Variants in MORC2 observed in about 807,000 individuals in gnomAD.
MORC2 encodes ATPase MORC2.
MORC2 carries 30 observed loss-of-function variants against 136.0 expected under a neutral mutation model. The ratio of observed to expected loss-of-function variants is 0.22; its 90% confidence interval spans 0.17 to 0.30. The LOEUF (loss-of-function observed/expected upper bound fraction) is 0.30, where lower values mean the gene tolerates loss of function less well. Among genes scored for constraint, MORC2 ranks in the 10% least tolerant of loss-of-function variants. The pLI, the probability that MORC2 is intolerant of heterozygous loss-of-function variation, is 1.00. For synonymous variants in MORC2, 439 were observed against 487.0 expected (o/e 0.90, Z 1.30); for missense variants, 922 against 1,333.1 (o/e 0.69, Z 4.80).
In MORC2 at chr22:30,931,323, G is replaced by A. The variant is rs149879702; in HGVS notation, c.2841+1036C>T. On this transcript the variant is annotated intron_variant, in intron 24 of 25. Transcript: ENST00000397641. The stretch of plus-strand genomic sequence containing the variant: ...TTACATACTGTCTGTGGTTGCTTTC[G>A]TGCTATAATGGCAGAGTTGCCACAG... 2.7e-3 allele frequency among the ~76,000 whole-genome samples: 410 copies of A among 152,278 alleles called. 4 individuals carry two copies. In the East Asian group the frequency reaches 0.037, roughly 14 times the overall value.
In MORC2 at chr22:30,935,103, T is replaced by C. The variant is rs761518693; in HGVS notation, c.1871A>G (p.Asn624Ser). 6.2e-7 allele frequency: 1 copy of C among 1,613,718 alleles called. No individual in the cohort carries two copies. Among genetic ancestry groups the C allele is most frequent in the Non-Finnish European group, 8.5e-7 (1 of 1,179,942 alleles). Residue 624 changes from asparagine to serine, a missense_variant, in exon 19 of 26, where the codon AAC (asparagine) becomes AGC (serine). Physicochemically the swap from Asn to Ser is conservative, Grantham distance 46. Transcript: ENST00000397641. ...RSPPLPAVIR[N>S]APSRPPSLPT... is the part of the protein sequence containing the mutation. ...CAAAGAAGGGGGTCTGCTGGGGGCGTTCCTGATCACAGCAGGTAAAGGGGG... is the reference window on the plus strand; with the variant it reads ...CAAAGAAGGGGGTCTGCTGGGGGCGCTCCTGATCACAGCAGGTAAAGGGGG...
chr22:30,934,257 A>G lies in MORC2; in HGVS notation c.2194-66T>C. The G allele has an allele frequency of 1.2e-6, 2 of 1,604,020 alleles. No individual in the cohort carries two copies. Among genetic ancestry groups the G allele is most frequent in the Non-Finnish European group, 1.7e-6 (2 of 1,174,486 alleles). On this transcript the variant is annotated intron_variant, in intron 19 of 25. Coordinates refer to ENST00000397641, the MANE Select transcript of MORC2 (RefSeq NM_001303256.3). The surrounding 1 kb of genome is among the most constrained non-coding windows in gnomAD (Gnocchi z 4.4). ...AGCCTCTAAGGAGCAGGAAGATTTC[A>G]TCTAGCCTAAAGGAGTCGTTCCAAG...
rs770837363 is a variant in MORC2 at position 30,946,425 on chromosome 22, A to G, written c.342T>C (p.Asp114=). The part of the protein sequence containing the change: ...LKSGSMRIGK[D]FILFTKKEDT... ...CTTCCTTCTTGGTGAACAGGATAAA[A>G]TCCTTCCCAATGCGCATTGAGCCCC... is the stretch of plus-strand genomic sequence containing the variant. Residue 114 remains aspartate, a synonymous_variant, in exon 6 of 26, where the codon GAT becomes GAC. Coordinates refer to ENST00000397641, the MANE Select transcript of MORC2 (RefSeq NM_001303256.3). 5.8e-5 allele frequency: 93 copies of G among 1,610,172 alleles called. No individual in the cohort carries two copies. The highest frequency in any genetic ancestry group is 5.8e-5 in the Non-Finnish European group (68 of 1,178,156).
chr22:30,939,032 G>T (rs1187822077), intron 12 of MORC2, among the ~76,000 whole-genome samples: 5 of 152,166 alleles, frequency 3.3e-5, no homozygotes, highest in African/African-American at 1.2e-4. Flanking sequence ...CCTGTGCCAA[G>T]GAGGCCAACA....
intron 2 of MORC2, 104 bp from the exon 3 acceptor site, chr22:30,956,901 A>C: frequency 2.2e-6 from 2 of 914,086 alleles, no homozygotes; most frequent in Non-Finnish European, 3.2e-6. Context: ...GTCTGTTTTC[A>C]GGAAGCCATA....
chr22:30,966,526 G>C (rs935769743), intron 1 of MORC2, among the ~76,000 whole-genome samples: 11 of 152,256 alleles, frequency 7.2e-5, no homozygotes, highest in African/African-American at 2.6e-4. Context: ...TGTAATCCCA[G>C]CACTTTGGGA....
chr22:30,950,348 C>CCCCCCCAA, intron 4 of MORC2, 29 bp downstream of exon 4: 1 of 1,043,136 alleles, frequency 9.6e-7, no homozygotes, highest in Non-Finnish European at 1.5e-6. Context: ...CACCCCCCCA[C>CCCCCCCAA]CCCCCAAAAC....
Position 30,968,120 on chromosome 22 carries a change from AGGAACT to A in MORC2, c.-237_-232del, listed in dbSNP as rs2041157275. The A allele has an allele frequency of 4.9e-5, 25 of 515,052 alleles. No individual in the cohort carries two copies. In the East Asian group the frequency reaches 8.8e-4, roughly 18 times the overall value. The allele number at this position is 515,052 out of a possible 1,614,324, so 31.9% of individuals were successfully genotyped here. A position where few individuals can be genotyped will look rare whatever the true frequency, so the allele number is the denominator to read the frequency against. ...ATGATTTATGATGTAATATTTTGGAAGGAACTATGTCATAAATCTGTAGCTTTAAGG... is the reference window on the plus strand; with the variant it reads ...ATGATTTATGATGTAATATTTTGGAAATGTCATAAATCTGTAGCTTTAAGG... On this transcript the variant is annotated 5_prime_UTR_variant, in exon 1 of 26. The change abolishes the stop of an existing upstream ORF in the 5' untranslated region. Coordinates refer to ENST00000397641, the MANE Select transcript of MORC2 (RefSeq NM_001303256.3).
rs2040618216 is a variant in MORC2 at position 30,934,105 on chromosome 22, C to T, written c.2280G>A (p.Lys760=). The change falls in exon 20 of 26, where the codon AAG becomes AAA. Residue 760 remains lysine, a synonymous_variant. Coordinates refer to ENST00000397641, the MANE Select transcript of MORC2 (RefSeq NM_001303256.3). The surrounding 1 kb of genome is among the most constrained non-coding windows in gnomAD (Gnocchi z 4.4). ...EEAERRKERC[K]RGRFVVKEEK... ...CCTCCTTCACAACAAATCTGCCCCGCTTGCACCTCTCCTTCCTCCTCTCAG... is the reference window on the plus strand; with the variant it reads ...CCTCCTTCACAACAAATCTGCCCCGTTTGCACCTCTCCTTCCTCCTCTCAG... 1 of 1,614,190 alleles carries T rather than the reference C, an allele frequency of 6.2e-7. No individual in the cohort carries two copies. The highest frequency in any genetic ancestry group is 1.1e-5 in the South Asian group (1 of 91,084).
rs778520644 is a variant in MORC2 at position 30,932,334 on chromosome 22, G to A, written c.2841+25C>T. ...CAGGGGTGGGGGAATGAAGAGTGTGGAATCGAAGGTCAGGCCAGACTCACC... is the reference window on the plus strand; with the variant it reads ...CAGGGGTGGGGGAATGAAGAGTGTGAAATCGAAGGTCAGGCCAGACTCACC... On this transcript the variant is annotated intron_variant, in intron 24 of 25. Transcript: ENST00000397641. The surrounding 1 kb of genome is among the most constrained non-coding windows in gnomAD (Gnocchi z 4.4). 31 of 1,557,996 alleles carry A rather than the reference G, an allele frequency of 2.0e-5. No homozygotes were observed. The highest frequency in any genetic ancestry group is 2.6e-5 in the Non-Finnish European group (30 of 1,132,274).
intron 25 of MORC2, 97 bp downstream of exon 25, chr22:30,927,922 G>C: frequency 7.0e-7 from 1 of 1,431,968 alleles, no homozygotes; most frequent in Non-Finnish European, 9.6e-7. Context: ...AGATTCCTGT[G>C]AGTGGATAGA....
chr22:30,947,660 A>G (rs1413036285), intron 5 of MORC2, among the ~76,000 whole-genome samples: 1 of 152,094 alleles, frequency 6.6e-6, no homozygotes, highest in Non-Finnish European at 1.5e-5. Flanking sequence ...CAGTACCCAA[A>G]GTGCTGGCAA....
rs1416056811 is a variant in MORC2, at chr22:30,950,432, G to A, written c.171C>T (p.Asp57=). 3 of 1,588,556 alleles carry A rather than the reference G, an allele frequency of 1.9e-6. No individual in the cohort carries two copies. Among genetic ancestry groups the A allele is most frequent in the Non-Finnish European group, 1.7e-6 (2 of 1,171,660 alleles). ...AGCAAAGCATAAATCCTCCTCGAAG[G>A]TCCTCTCGTCTTTCTGTAAAAGAAG... The part of the protein sequence containing the change: ...RIDIYAERRE[D]LRGGFMLCFL... The change falls in exon 4 of 26, where the codon GAC becomes GAT. Residue 57 remains aspartate (D), a synonymous_variant. Coordinates refer to ENST00000397641, the MANE Select transcript of MORC2 (RefSeq NM_001303256.3).
At chr22:30,927,892 G>T in intron 25 of MORC2, 127 bp downstream of exon 25, 1 of 1,167,982 alleles carries the variant, frequency 8.6e-7, no homozygotes, top group Non-Finnish European at 1.2e-6. Context: ...AGGGTGCTGT[G>T]CAGCCAGGGT....
rs889123503 is a variant in MORC2 at position 30,968,655 on chromosome 22, C to T, written c.-766G>A. On this transcript the variant is annotated 5_prime_UTR_variant, in exon 1 of 26. Transcript: ENST00000397641. ...ACAGCCTCAGCCTCCCAGGCCCTTC[C>T]CGGGCCTCGGTCCCGTGGCCGCCTC... is the stretch of plus-strand genomic sequence containing the variant. Among the ~76,000 whole-genome samples, 1 of 152,100 alleles carries T rather than the reference C, an allele frequency of 6.6e-6. No individual in the cohort carries two copies. Among genetic ancestry groups the T allele is most frequent in the African/African-American group, 2.4e-5 (1 of 41,400 alleles).
At chr22:30,945,502 C>A (rs966622405) in intron 6 of MORC2, among the ~76,000 whole-genome samples, 19 of 152,196 alleles carry the variant, frequency 1.2e-4, no homozygotes, top group African/African-American at 3.4e-4. Context: ...TCTTAGCCCC[C>A]CTTCTTTCAA....
Position 30,936,946 on chromosome 22 carries a change from A to G in MORC2, c.1590T>C (p.Asp530=), listed in dbSNP as rs1403719088. ...PDTWVCSMNP[D]PEQDRCEASE... ...AATGTGCTCACCGGTCCTGTTCAGG[A>G]TCAGGGTTCATGGAGCAAACCCAGG... Residue 530 remains aspartate (D), a synonymous_variant, in exon 16 of 26, where the codon GAT becomes GAC. Coordinates refer to ENST00000397641, the MANE Select transcript of MORC2 (RefSeq NM_001303256.3). The G allele has an allele frequency of 1.2e-6, 2 of 1,613,756 alleles. No homozygotes were observed. The highest frequency in any genetic ancestry group is 1.7e-6 in the Non-Finnish European group (2 of 1,179,732).
At chr22:30,943,736 T>C (rs1341004756) in intron 6 of MORC2, among the ~76,000 whole-genome samples, 2 of 152,170 alleles carry the variant, frequency 1.3e-5, no homozygotes, top group African/African-American at 2.4e-5. Flanking sequence ...GCTGGGTTTT[T>C]TTATTTTATT....
intron 6 of MORC2, among the ~76,000 whole-genome samples, chr22:30,943,261 T>G (rs2040767927): frequency 6.6e-6 from 1 of 151,928 alleles, no homozygotes; most frequent in Non-Finnish European, 1.5e-5. Flanking sequence ...CAAACTATAG[T>G]GAAAAAGAAG....
Sources: allele counts gnomAD v4.1 joint callset (sites outside exome capture counted in the v4.1 genomes callset), GRCh38; gene constraint gnomAD v4.1.1; non-coding constraint Gnocchi (gnomAD v3.1); transcripts MANE v1.5; gene names NCBI Gene and HGNC (gene_info 2026-07-23, HGNC 2026-07-21).